Variants in LGALS3BP observed in about 807,000 individuals in gnomAD.
The protein encoded by LGALS3BP is galectin 3 binding protein.
In LGALS3BP, 25 loss-of-function variants were observed where a neutral mutation model predicts 22.9. The observed-to-expected ratio is 1.09, with a 90% confidence interval of 0.80 to 1.53. The LOEUF is 1.53. LGALS3BP is among the 40% of genes most tolerant of loss of function. The pLI, the probability that LGALS3BP is intolerant of heterozygous loss-of-function variation, is 0.00. For synonymous variants in LGALS3BP, 335 were observed against 331.1 expected, an observed-to-expected ratio of 1.01 and a Z score of -0.13; for missense variants, 718 against 752.0, an observed-to-expected ratio of 0.95 and a Z score of 0.53.
chr17:78,977,262 C>G (rs1385889340), intron 1 of LGALS3BP, 48 bp from the exon 2 acceptor site: 2 of 1,515,636 alleles, frequency 1.3e-6, no homozygotes, highest in South Asian at 1.2e-5. Flanking sequence ...CCAGATGGCC[C>G]GAGGCCCCAG....
rs1400137829 is a variant in LGALS3BP, at chr17:78,973,233, G to A, written c.377-11C>T. The A allele has an allele frequency of 5.3e-6, 8 of 1,514,000 alleles. No individual in the cohort carries two copies. In the South Asian group the frequency reaches 8.5e-5, roughly 16 times the overall value. The allele number at this position is 1,514,000 out of a possible 1,614,324, so 93.8% of individuals were successfully genotyped here. On this transcript the variant is annotated splice_polypyrimidine_tract_variant and intron_variant, in intron 4 of 5. Coordinates refer to ENST00000262776, the MANE Select transcript of LGALS3BP (RefSeq NM_005567.4). This position sits in a 1 kb window ranked among gnomAD's most constrained non-coding sequence, Gnocchi z 5.8. Reference sequence around the variant, plus strand: ...GGGTGCTCCTGGTTTCTAAGAAGGGGCGGGAGGGAAGTGGGCTGCGTTAGG... The same window carrying A: ...GGGTGCTCCTGGTTTCTAAGAAGGGACGGGAGGGAAGTGGGCTGCGTTAGG...
Position 78,976,029 on chromosome 17 carries a change from G to A in LGALS3BP, c.180C>T (p.Val60=), listed in dbSNP as rs370677582. The change falls in exon 3 of 6, where the codon GTC becomes GTT. Residue 60 remains valine, a synonymous_variant. Transcript: ENST00000262776. The surrounding 1 kb of genome is among the most constrained non-coding windows in gnomAD (Gnocchi z 4.6). ...TCTCGAAGCCCAGGGCCCGGCAGAC[G>A]ACGCTGGCATCAGTCAGGTCCCACA... ...DNLWDLTDAS[V]VCRALGFENA... is the part of the protein sequence containing the mutation. The A allele has an allele frequency of 1.9e-5, 31 of 1,612,690 alleles. No homozygotes were observed. The highest frequency in any genetic ancestry group is 1.6e-4 in the Middle Eastern group (1 of 6,080).
rs772509599 is a variant in LGALS3BP, at chr17:78,971,531, G to T, written c.*45C>A. ...CCGAGGAGGGGAGCCTGCAGTGAGG[G>T]CGTCCTGGGGTTCTCCGGTTCTCAC... On this transcript the variant is annotated 3_prime_UTR_variant, in exon 6 of 6. Transcript: ENST00000262776. The surrounding 1 kb of genome is among the most constrained non-coding windows in gnomAD (Gnocchi z 5.6). The T allele has an allele frequency of 6.4e-7, 1 of 1,561,852 alleles. No individual in the cohort carries two copies. Among genetic ancestry groups the T allele is most frequent in the Non-Finnish European group, 8.7e-7 (1 of 1,149,608 alleles).
chr17:78,975,913 G>C (rs762075707), intron 3 of LGALS3BP, 52 bp downstream of exon 3: 2 of 1,378,024 alleles, frequency 1.5e-6, no homozygotes, highest in South Asian at 2.8e-5. Context: ...CCTCCTGGGA[G>C]CTGGCTGTGC....
chr17:78,975,524 C>T (rs1050754532), intron 3 of LGALS3BP, among the ~76,000 whole-genome samples: 4 of 151,960 alleles, frequency 2.6e-5, no homozygotes, highest in South Asian at 2.1e-4. Flanking sequence ...GCTCATAGGC[C>T]GGGTGTGGTA....
rs752923774 is a variant in LGALS3BP, at chr17:78,973,447, A to C, written c.377-225T>G. ...AACAAGAGCAGCTAGGACCTGGCCAAGCCTGTCCAGGCCCCCGCTTTAGGC... is the reference window on the plus strand; with the variant it reads ...AACAAGAGCAGCTAGGACCTGGCCACGCCTGTCCAGGCCCCCGCTTTAGGC... On this transcript the variant is annotated intron_variant, in intron 4 of 5. Transcript: ENST00000262776. This position sits in a 1 kb window ranked among gnomAD's most constrained non-coding sequence, Gnocchi z 5.8. The C allele has an allele frequency of 1.8e-6, 1 of 548,438 alleles. No homozygotes were observed. The highest frequency in any genetic ancestry group is 3.2e-6 in the Non-Finnish European group (1 of 312,682). The allele number at this position is 548,438 out of a possible 1,614,324, so 34.0% of individuals were successfully genotyped here. A position where few individuals can be genotyped will look rare whatever the true frequency, so the allele number is the denominator to read the frequency against.
chr17:78,977,435 T>C (rs996044208), intron 1 of LGALS3BP: 42 of 517,182 alleles, frequency 8.1e-5, no homozygotes, highest in African/African-American at 7.7e-4. Context: ...GAAGGATGTG[T>C]AACACTTGGC....
At position 78,972,619 on chromosome 17, in the gene LGALS3BP, G is replaced by A. The variant is rs1050418044; in HGVS notation, c.715C>T (p.Leu239=). 2 of 1,571,066 alleles carry A rather than the reference G, an allele frequency of 1.3e-6. No individual in the cohort carries two copies. Among genetic ancestry groups the A allele is most frequent in the East Asian group, 2.3e-5 (1 of 44,406 alleles). The change falls in exon 6 of 6, where the codon CTG becomes TTG. Residue 239 remains leucine (L), a synonymous_variant. Coordinates refer to ENST00000262776, the MANE Select transcript of LGALS3BP (RefSeq NM_005567.4). This position sits in a 1 kb window ranked among gnomAD's most constrained non-coding sequence, Gnocchi z 5.1. ...KLASAYGARQ[L]QGYCASLFAI... ...AAGAGGCTTGCGCAGTAGCCCTGCA[G>A]CTGCCTGGCCCCATAGGCAGAGGCC...
In LGALS3BP at chr17:78,976,000, G is replaced by A; in HGVS notation, c.209C>T (p.Ala70Val). 6.2e-7 allele frequency: 1 copy of A among 1,612,118 alleles called. No homozygotes were observed. Among genetic ancestry groups the A allele is most frequent in the Non-Finnish European group, 8.5e-7 (1 of 1,179,568 alleles). Residue 70 changes from alanine to valine, a missense_variant, in exon 3 of 6, where the codon GCC becomes GTC. Coordinates refer to ENST00000262776, the MANE Select transcript of LGALS3BP (RefSeq NM_005567.4). ...VVCRALGFEN[A>V]TQALGRAAFG... ...GGCAGCTCTGCCCAGAGCCTGGGTGGCGTTCTCGAAGCCCAGGGCCCGGCA... is the reference window on the plus strand; with the variant it reads ...GGCAGCTCTGCCCAGAGCCTGGGTGACGTTCTCGAAGCCCAGGGCCCGGCA...
At chr17:78,979,788 G>A (rs972445178) in intron 1 of LGALS3BP, 36 bp downstream of exon 1, 1 of 152,192 alleles carries the variant, frequency 6.6e-6, no homozygotes, top group African/African-American at 2.4e-5. Flanking sequence ...GAGACTGAGA[G>A]GGGTGCCCAC....
rs2070686353 is a variant in LGALS3BP at position 78,972,867 on chromosome 17, T to C, written c.629+103A>G. Reference sequence around the variant, plus strand: ...GTGTGACTGCGTGTGTACATGTGCATGCATGAGTATGTGCAGGTGTGTGTG... The same window carrying C: ...GTGTGACTGCGTGTGTACATGTGCACGCATGAGTATGTGCAGGTGTGTGTG... On this transcript the variant is annotated intron_variant, in intron 5 of 5. Coordinates refer to ENST00000262776, the MANE Select transcript of LGALS3BP (RefSeq NM_005567.4). This position sits in a 1 kb window ranked among gnomAD's most constrained non-coding sequence, Gnocchi z 5.1. The C allele has an allele frequency of 2.0e-6, 3 of 1,470,080 alleles. No homozygotes were observed. Among genetic ancestry groups the C allele is most frequent in the Non-Finnish European group, 2.8e-6 (3 of 1,090,538 alleles). 91.1% of individuals were successfully genotyped at this position (1,470,080 alleles called of 1,614,324 possible).
intron 1 of LGALS3BP, among the ~76,000 whole-genome samples, chr17:78,978,572 C>T (rs1051170314): frequency 6.6e-6 from 1 of 152,244 alleles, no homozygotes; most frequent in Non-Finnish European, 1.5e-5. Flanking sequence ...GCTAAAGGGG[C>T]CAGGGTGTGA....
rs2070696257 is a variant in LGALS3BP at position 78,973,841 on chromosome 17, A to G, written c.377-619T>C. 1.3e-5 allele frequency among the ~76,000 whole-genome samples: 2 copies of G among 152,194 alleles called. No individual in the cohort carries two copies. The highest frequency in any genetic ancestry group is 6.5e-5 in the Admixed American group (1 of 15,282). On this transcript the variant is annotated intron_variant, in intron 4 of 5. Transcript: ENST00000262776. The surrounding 1 kb of genome is among the most constrained non-coding windows in gnomAD (Gnocchi z 5.8). ...GTTTTGAAGTAACTGTGACCTTTCAACCAGGTGGGCTTGCCCTGGGCCTCC... is the reference window on the plus strand; with the variant it reads ...GTTTTGAAGTAACTGTGACCTTTCAGCCAGGTGGGCTTGCCCTGGGCCTCC...
rs1230456856 is a variant in LGALS3BP at position 78,976,883 on chromosome 17, T to C, written c.52+257A>G. 1 of 532,792 alleles carries C rather than the reference T, an allele frequency of 1.9e-6. No homozygotes were observed. The highest frequency in any genetic ancestry group is 3.4e-6 in the Non-Finnish European group (1 of 296,638). 33.0% of individuals were successfully genotyped at this position (532,792 alleles called of 1,614,324 possible). ...TGACTGCTGGTTTGATCAGCCCCTC[T>C]GGTTCCCTCTGGACGGAATGGAGGA... On this transcript the variant is annotated intron_variant, in intron 2 of 5. Coordinates refer to ENST00000262776, the MANE Select transcript of LGALS3BP (RefSeq NM_005567.4). This position sits in a 1 kb window ranked among gnomAD's most constrained non-coding sequence, Gnocchi z 4.6.
Position 78,972,500 on chromosome 17 carries a change from G to C in LGALS3BP, c.834C>G (p.Leu278=). The C allele has an allele frequency of 6.2e-7, 1 of 1,613,138 alleles. No individual in the cohort carries two copies. The highest frequency in any genetic ancestry group is 8.5e-7 in the Non-Finnish European group (1 of 1,179,736). ...VATGDALLEK[L]CLQFLAWNFE... ...AGTTCCAGGCCAGGAACTGTAGGCA[G>C]AGCTTCTCCAGCAGGGCGTCCCCTG... Residue 278 remains leucine (L), a synonymous_variant, in exon 6 of 6, where the codon CTC becomes CTG. Coordinates refer to ENST00000262776, the MANE Select transcript of LGALS3BP (RefSeq NM_005567.4). This position sits in a 1 kb window ranked among gnomAD's most constrained non-coding sequence, Gnocchi z 5.1.
intron 4 of LGALS3BP, 71 bp downstream of exon 4, chr17:78,974,617 C>G: frequency 1.3e-6 from 2 of 1,538,026 alleles, no homozygotes; most frequent in Non-Finnish European, 1.8e-6. Flanking sequence ...GGGGGTGGTG[C>G]TGGGAGGGGC....
At chr17:78,974,544 G>T in intron 4 of LGALS3BP, 144 bp downstream of exon 4, 3 of 917,794 alleles carry the variant, frequency 3.3e-6, no homozygotes, top group Admixed American at 5.2e-5. Context: ...GGACGTCTGG[G>T]CCTCTCCATG....
intron 1 of LGALS3BP, among the ~76,000 whole-genome samples, chr17:78,978,156 G>T (rs2070736398): frequency 6.6e-6 from 1 of 152,182 alleles, no homozygotes; most frequent in African/African-American, 2.4e-5. Flanking sequence ...CTGGGAGTCT[G>T]GGCCTGGTGA....
In LGALS3BP at chr17:78,973,754, C is replaced by A. The variant is rs929856582; in HGVS notation, c.377-532G>T. 1.3e-5 allele frequency among the ~76,000 whole-genome samples: 2 copies of A among 152,220 alleles called. No individual in the cohort carries two copies. Among genetic ancestry groups the A allele is most frequent in the African/African-American group, 4.8e-5 (2 of 41,454 alleles). ...GGTGCACCCTCTCCCCTTCTTTGAG[C>A]CCCTCTCAAAGCCTAACTCAAAATG... On this transcript the variant is annotated intron_variant, in intron 4 of 5. Transcript: ENST00000262776. This position sits in a 1 kb window ranked among gnomAD's most constrained non-coding sequence, Gnocchi z 5.8.
Sources: allele counts gnomAD v4.1 joint callset (sites outside exome capture counted in the v4.1 genomes callset), GRCh38; gene constraint gnomAD v4.1.1; non-coding constraint Gnocchi (gnomAD v3.1); transcripts MANE v1.5; gene names NCBI Gene and HGNC (gene_info 2026-07-23, HGNC 2026-07-21).